STAC: variants seen among roughly 807,000 people sequenced by gnomAD.
STAC encodes SH3 and cysteine-rich domain-containing protein.
Under a neutral mutation model 48.8 loss-of-function variants are expected in STAC, and 43 were observed. The ratio of observed to expected loss-of-function variants is 0.88; its 90% CI spans 0.69 to 1.14. The LOEUF is 1.14. STAC is among the 50% of genes most tolerant of loss of function. The pLI is 0.00. For missense variants in STAC, 497 were observed against 504.0 expected, an observed-to-expected ratio of 0.99 and a Z score of 0.13; for synonymous variants, 193 against 179.5, an observed-to-expected ratio of 1.07 and a Z score of -0.60.
intron 10 of STAC, among the ~76,000 whole-genome samples, chr3:36,542,165 C>G (rs1029121638): frequency 2.0e-5 from 3 of 152,124 alleles, no homozygotes; most frequent in African/African-American, 7.2e-5. Context: ...ATCTGATCAC[C>G]TTATTCCTCC....
intron 10 of STAC, 25 bp downstream of exon 10, chr3:36,529,010 C>A: frequency 6.4e-7 from 1 of 1,569,186 alleles, no homozygotes. Context: ...CAAACACATT[C>A]CAGATATGAG....
intron 1 of STAC, among the ~76,000 whole-genome samples, chr3:36,440,538 G>A (rs1334769884): frequency 2.0e-5 from 3 of 152,174 alleles, no homozygotes; most frequent in African/African-American, 7.2e-5. Flanking sequence ...CTAGAGGGAG[G>A]ACAGAAGTAT....
At chr3:36,384,097 A>G (rs1006509199) in intron 1 of STAC, among the ~76,000 whole-genome samples, 1 of 152,188 alleles carries the variant, frequency 6.6e-6, no homozygotes, top group Admixed American at 6.5e-5. Flanking sequence ...TGACAGCCTA[A>G]TTTATTTTTT....
chr3:36,546,584 C>T lies in STAC; in HGVS notation c.*295C>T. 2.1e-6 allele frequency: 1 copy of T among 465,542 alleles called. No homozygotes were observed. Among genetic ancestry groups the T allele is most frequent in the East Asian group, 3.6e-5 (1 of 27,888 alleles). The allele number at this position is 465,542 out of a possible 1,614,324, so 28.8% of individuals were successfully genotyped here. ...AAACCACAGCTGTCCCCCAGGATCCCACTCCTTTCCTGTCTGTGTGGTGTA... is the reference window on the plus strand; with the variant it reads ...AAACCACAGCTGTCCCCCAGGATCCTACTCCTTTCCTGTCTGTGTGGTGTA... On this transcript the variant is annotated 3_prime_UTR_variant, in exon 11 of 11. Coordinates refer to ENST00000273183, the MANE Select transcript of STAC (RefSeq NM_003149.3).
chr3:36,399,453 T>C (rs17035015), intron 1 of STAC, among the ~76,000 whole-genome samples: 30,181 of 152,154 alleles, frequency 0.2, 3,153 homozygotes, highest in Admixed American at 0.23. Context: ...AGGAACTGGG[T>C]GGTTACCCCT....
chr3:36,497,064 C>G (rs1319706170), intron 6 of STAC, among the ~76,000 whole-genome samples: 1 of 151,714 alleles, frequency 6.6e-6, no homozygotes, highest in East Asian at 1.9e-4. Flanking sequence ...AAAATATATC[C>G]TAGCCTTTAG....
chr3:36,512,395 T>C (rs1474883018), intron 8 of STAC, among the ~76,000 whole-genome samples: 1 of 152,178 alleles, frequency 6.6e-6, no homozygotes, highest in African/African-American at 2.4e-5. Flanking sequence ...GGGTGGCATA[T>C]ATTTACTTTG....
At position 36,547,849 on chromosome 3, in the gene STAC, A is replaced by C. The variant is rs2125509623; in HGVS notation, c.*1560A>C. The C allele has an allele frequency of 6.6e-6, 1 of 152,308 alleles. No individual in the cohort carries two copies. Among genetic ancestry groups the C allele is most frequent in the Middle Eastern group, 3.4e-3 (1 of 294 alleles). The allele number at this position is 152,308 out of a possible 1,614,324, so 9.4% of individuals were successfully genotyped here. A position where few individuals can be genotyped will look rare whatever the true frequency, so the allele number is the denominator to read the frequency against. On this transcript the variant is annotated 3_prime_UTR_variant, in exon 11 of 11. Coordinates refer to ENST00000273183, the MANE Select transcript of STAC (RefSeq NM_003149.3). ...CCTCCCTCTCTGATGCCACATGCAA[A>C]ACCAGGTGTACGATGTCAAGATGGA...
At chr3:36,416,360 C>A (rs1160327425) in intron 1 of STAC, among the ~76,000 whole-genome samples, 1 of 152,158 alleles carries the variant, frequency 6.6e-6, no homozygotes, top group East Asian at 1.9e-4. Context: ...GTAGTCCCAG[C>A]TACTTAGGAG....
At chr3:36,382,782 T>C (rs76106538) in intron 1 of STAC, among the ~76,000 whole-genome samples, 25,902 of 152,194 alleles carry the variant, frequency 0.17, 2,776 homozygotes, top group Middle Eastern at 0.23. Flanking sequence ...CAATTCATTC[T>C]ATTCTAGGAA....
chr3:36,523,549 T>C (rs1698854537), intron 8 of STAC, among the ~76,000 whole-genome samples: 1 of 152,218 alleles, frequency 6.6e-6, no homozygotes, highest in Non-Finnish European at 1.5e-5. Context: ...TAGAGTTAAA[T>C]TGTAAACTCT....
intron 8 of STAC, among the ~76,000 whole-genome samples, chr3:36,508,739 C>T (rs1041603898): frequency 6.6e-6 from 1 of 152,060 alleles, no homozygotes; most frequent in Non-Finnish European, 1.5e-5. Context: ...ATGATTGCAA[C>T]TCCTGCTTTT....
intron 5 of STAC, among the ~76,000 whole-genome samples, chr3:36,488,145 C>A (rs181858459): frequency 6.6e-6 from 1 of 152,276 alleles, no homozygotes; most frequent in East Asian, 1.9e-4. Context: ...ATTGCCCAGG[C>A]TGGCCTCAAA....
At chr3:36,475,602 C>T (rs1402948872) in intron 2 of STAC, among the ~76,000 whole-genome samples, 1 of 152,194 alleles carries the variant, frequency 6.6e-6, no homozygotes. Flanking sequence ...GTCAGGATAA[C>T]TAAGCATTCA....
chr3:36,390,922 G>C (rs761119411), intron 1 of STAC, among the ~76,000 whole-genome samples: 44 of 152,050 alleles, frequency 2.9e-4, no homozygotes, highest in Non-Finnish European at 5.3e-4. Flanking sequence ...GCTTGAGTCA[G>C]ATTTGTTAAC....
chr3:36,394,301 A>G (rs185370099), intron 1 of STAC, among the ~76,000 whole-genome samples: 1 of 152,206 alleles, frequency 6.6e-6, no homozygotes, highest in Non-Finnish European at 1.5e-5. Context: ...ATTAAACACC[A>G]CAGATTAGAG....
intron 6 of STAC, among the ~76,000 whole-genome samples, chr3:36,494,307 T>C (rs1343896443): frequency 6.6e-6 from 1 of 152,160 alleles, no homozygotes; most frequent in Non-Finnish European, 1.5e-5. Context: ...TATGAAGCAT[T>C]TACTATCATT....
chr3:36,524,971 T>A (rs1698898053), intron 8 of STAC, among the ~76,000 whole-genome samples: 1 of 152,204 alleles, frequency 6.6e-6, no homozygotes, highest in Non-Finnish European at 1.5e-5. Context: ...TTTGGCTACA[T>A]CTTCTAACTT....
intron 1 of STAC, among the ~76,000 whole-genome samples, chr3:36,423,163 G>C (rs1202797123): frequency 6.6e-6 from 1 of 152,060 alleles, no homozygotes; most frequent in Non-Finnish European, 1.5e-5. Flanking sequence ...AAAAGGAAGA[G>C]AGAATGAAGT....
Sources: allele counts gnomAD v4.1 joint callset (sites outside exome capture counted in the v4.1 genomes callset), GRCh38; gene constraint gnomAD v4.1.1; transcripts MANE v1.5; gene names NCBI Gene and HGNC (gene_info 2026-07-23, HGNC 2026-07-21).